Variants in AAMDC observed in about 807,000 individuals in gnomAD.
The protein encoded by AAMDC is adipogenesis associated Mth938 domain containing.
AAMDC carries 16 observed loss-of-function variants against 15.5 expected under a neutral mutation model. The observed-to-expected ratio is 1.03, with a 90% confidence interval of 0.70 to 1.57. The LOEUF (loss-of-function observed/expected upper bound fraction) is 1.57. AAMDC is among the 40% of genes most tolerant of loss of function. The probability of loss-of-function intolerance (pLI) is 0.00; values close to 1 mark genes in which losing one functional copy is unlikely to be tolerated. For synonymous variants in AAMDC, 51 were observed against 51.6 expected, an observed-to-expected ratio of 0.99 and a Z score of 0.05; for missense variants, 141 against 144.9, an observed-to-expected ratio of 0.97 and a Z score of 0.14.
chr11:77,896,648 G>A (rs749009662), intron 5 of AAMDC, among the ~76,000 whole-genome samples: 41 of 120,544 alleles, frequency 3.4e-4, no homozygotes, highest in African/African-American at 1.7e-4. Context: ...GCAAAACTCC[G>A]TCTCAAAAAA....
chr11:77,858,431 C>G (rs575275250), intron 2 of AAMDC, among the ~76,000 whole-genome samples: 40 of 142,804 alleles, frequency 2.8e-4, no homozygotes, highest in Non-Finnish European at 4.8e-4. Flanking sequence ...TGCTCTCAGG[C>G]GATAGATGAT....
intron 1 of AAMDC, among the ~76,000 whole-genome samples, chr11:77,823,556 C>G (rs1054872755): frequency 1.4e-5 from 2 of 141,812 alleles, no homozygotes; most frequent in African/African-American, 5.3e-5. Context: ...GTAGTGAGAC[C>G]TCATCTGTAA....
At chr11:77,861,969 C>T (rs1323878422) in intron 2 of AAMDC, among the ~76,000 whole-genome samples, 1 of 152,220 alleles carries the variant, frequency 6.6e-6, no homozygotes, top group East Asian at 1.9e-4. Context: ...AGTCAGGTGA[C>T]AGAGAGGTGT....
intron 5 of AAMDC, among the ~76,000 whole-genome samples, chr11:77,889,527 C>T (rs1405004958): frequency 6.6e-6 from 1 of 151,866 alleles, no homozygotes; most frequent in Non-Finnish European, 1.5e-5. Flanking sequence ...GCACATGTAC[C>T]CTAAAACTTA....
chr11:77,903,444 A>G (rs1952839729), downstream of AAMDC: 4 of 1,608,088 alleles, frequency 2.5e-6, no homozygotes, highest in Non-Finnish European at 3.4e-6. Flanking sequence ...TGCAAGGCCT[A>G]CACAGACAGA....
chr11:77,875,405 A>C (rs191953231), downstream of AAMDC, among the ~76,000 whole-genome samples: 3 of 152,350 alleles, frequency 2.0e-5, no homozygotes. Context: ...TTTAATATTT[A>C]CTGTAGTTAC....
downstream of AAMDC, among the ~76,000 whole-genome samples, chr11:77,903,830 A>C (rs1380637742): frequency 6.6e-6 from 1 of 152,152 alleles, no homozygotes; most frequent in Non-Finnish European, 1.5e-5. Flanking sequence ...ATTTGATCCA[A>C]TTCTTGGCCC....
chr11:77,869,020 T>C (rs2136300022), intron 2 of AAMDC: 2 of 341,974 alleles, frequency 5.8e-6, no homozygotes, highest in Admixed American at 3.4e-5. Flanking sequence ...AGTTTTGCCA[T>C]GGTAACATTT....
downstream of AAMDC, chr11:77,877,091 C>G: frequency 1.4e-6 from 1 of 701,304 alleles, no homozygotes; most frequent in Non-Finnish European, 2.6e-6. Flanking sequence ...GTTAATCATT[C>G]TTCCCCTAGT....
At chr11:77,836,970 A>C (rs1290115195) in intron 1 of AAMDC, among the ~76,000 whole-genome samples, 2 of 152,232 alleles carry the variant, frequency 1.3e-5, no homozygotes, top group Non-Finnish European at 2.9e-5. Context: ...CATCTCAAAA[A>C]AAGAAAAAGT....
downstream of AAMDC, chr11:77,876,953 C>G (rs1288099797): frequency 5.7e-6 from 4 of 703,182 alleles, no homozygotes; most frequent in Admixed American, 4.0e-5. Context: ...TGTCTAGGCT[C>G]CAACCCAGCA....
intron 5 of AAMDC, among the ~76,000 whole-genome samples, chr11:77,900,352 G>A (rs1057255819): frequency 1.3e-5 from 2 of 152,058 alleles, no homozygotes; most frequent in Non-Finnish European, 2.9e-5. Flanking sequence ...GCCCACCTTG[G>A]CCTCCCAAAG....
rs1330087632 is a variant in AAMDC at position 77,832,941 on chromosome 11, G to GTA, written c.-18-9528_-18-9527dup. On this transcript the variant is annotated intron_variant, in intron 1 of 3. Transcript: ENST00000393427. ...CATTACATTTATTGTGCACTTTATT[G>GTA]TATATATATATGTGTGTGTGTGTGT... Among the ~76,000 whole-genome samples, 806 of 94,274 alleles carry GTA rather than the reference G, an allele frequency of 8.5e-3. 5 individuals carry two copies. The highest frequency in any genetic ancestry group is 0.013 in the Middle Eastern group (2 of 150). The allele number at this position is 94,274 out of a possible 152,430, so 61.8% of individuals were successfully genotyped here.
chr11:77,829,282 C>T (rs1040396713), intron 1 of AAMDC, among the ~76,000 whole-genome samples: 5 of 152,140 alleles, frequency 3.3e-5, no homozygotes, highest in Admixed American at 2.6e-4. Flanking sequence ...AAAGCCCTCA[C>T]GAGATACCAG....
At chr11:77,901,570 TAACA>T (rs751303145), downstream of AAMDC, 2 of 1,558,732 alleles carry the variant, frequency 1.3e-6, no homozygotes, top group African/African-American at 2.7e-5. Context: ...GAAAGATAAT[TAACA>T]ATCAATAAAA....
chr11:77,829,260 C>T (rs1042533080), intron 1 of AAMDC, among the ~76,000 whole-genome samples: 6 of 152,260 alleles, frequency 3.9e-5, no homozygotes, highest in Middle Eastern at 3.4e-3. Flanking sequence ...CAGACATCTC[C>T]AACCCAAGGA....
intron 2 of AAMDC, among the ~76,000 whole-genome samples, chr11:77,844,850 C>A (rs1471544548): frequency 6.6e-6 from 1 of 152,076 alleles, no homozygotes; most frequent in Non-Finnish European, 1.5e-5. Flanking sequence ...GGAAGTAGAT[C>A]CTTCATTTTT....
chr11:77,839,889 G>A (rs1349928091), intron 1 of AAMDC, among the ~76,000 whole-genome samples: 1 of 152,124 alleles, frequency 6.6e-6, no homozygotes, highest in Non-Finnish European at 1.5e-5. Context: ...CCTAGGTGAT[G>A]GGTTGATAGG....
chr11:77,828,048 G>A (rs531991983), intron 1 of AAMDC, among the ~76,000 whole-genome samples: 1 of 152,116 alleles, frequency 6.6e-6, no homozygotes, highest in South Asian at 2.1e-4. Context: ...CGAGGTAGGT[G>A]GATCACTTGA....
Sources: gnomAD v4.1 joint callset for allele counts (sites outside exome capture counted in the v4.1 genomes callset) on GRCh38, gnomAD v4.1.1 for gene constraint, MANE v1.5 for transcripts, NCBI Gene and HGNC (gene_info 2026-07-23, HGNC 2026-07-21) for gene names.